Variants in KCNMB2 observed in about 807,000 individuals in gnomAD.
KCNMB2 encodes calcium-activated potassium channel subunit beta-2.
A neutral mutation model predicts 24.5 loss-of-function variants in KCNMB2; 9 were observed. The observed-to-expected ratio is 0.37, with a 90% confidence interval of 0.22 to 0.64. The LOEUF (loss-of-function observed/expected upper bound fraction) is 0.64. Ranked by LOEUF, KCNMB2 falls within the 30% of genes least tolerant of loss-of-function variation. The probability of loss-of-function intolerance (pLI) is 0.63; values close to 1 mark genes in which losing one functional copy is unlikely to be tolerated. For missense variants in KCNMB2, 226 were observed against 284.3 expected, an observed-to-expected ratio of 0.79 and a Z score of 1.47; for synonymous variants, 109 against 104.4, an observed-to-expected ratio of 1.04 and a Z score of -0.27.
chr3:178,638,766 A>G (rs7647759), intron 1 of KCNMB2, among the ~76,000 whole-genome samples: 3,720 of 152,288 alleles, frequency 0.024, 157 homozygotes, highest in African/African-American at 0.084. Context: ...TAGAAAGAAC[A>G]TATCAATTAG....
intron 2 of KCNMB2, among the ~76,000 whole-genome samples, chr3:178,812,752 T>A (rs183712067): frequency 3.3e-5 from 5 of 152,282 alleles, no homozygotes; most frequent in Admixed American, 2.0e-4. Context: ...TACATTTCCA[T>A]ATATACATGG....
At chr3:178,545,868 T>G (rs967373292) in intron 1 of KCNMB2, among the ~76,000 whole-genome samples, 2 of 152,156 alleles carry the variant, frequency 1.3e-5, no homozygotes, top group African/African-American at 2.4e-5. Context: ...AGGCCACATT[T>G]TCATCGCATT....
chr3:178,537,049 G>C (rs1240156419), intron 1 of KCNMB2, among the ~76,000 whole-genome samples: 1 of 152,178 alleles, frequency 6.6e-6, no homozygotes, highest in Non-Finnish European at 1.5e-5. Flanking sequence ...GTAGGGTCGA[G>C]TGAAGACTTT....
At chr3:178,732,636 TAA>T (rs1327947184) in intron 1 of KCNMB2, among the ~76,000 whole-genome samples, 1 of 152,216 alleles carries the variant, frequency 6.6e-6, no homozygotes, top group African/African-American at 2.4e-5. Context: ...ATGTGTTAAA[TAA>T]GTTTCATTCA....
At chr3:178,630,793 C>T (rs1292146143) in intron 1 of KCNMB2, among the ~76,000 whole-genome samples, 1 of 152,194 alleles carries the variant, frequency 6.6e-6, no homozygotes, top group Non-Finnish European at 1.5e-5. Flanking sequence ...GAGACCTGAA[C>T]TTCTGTCTTC....
intron 1 of KCNMB2, among the ~76,000 whole-genome samples, chr3:178,602,685 G>T (rs1388905970): frequency 6.6e-6 from 1 of 152,084 alleles, no homozygotes; most frequent in Non-Finnish European, 1.5e-5. Flanking sequence ...CTGGAGAGAG[G>T]AGGCAGGGTG....
chr3:178,766,662 GATA>G (rs1379442154), intron 1 of KCNMB2, among the ~76,000 whole-genome samples: 1 of 152,176 alleles, frequency 6.6e-6, no homozygotes, highest in African/African-American at 2.4e-5. Context: ...AGGAAGACAT[GATA>G]ACAAACATCT....
chr3:178,793,266 T>C (rs3924404), intron 1 of KCNMB2, among the ~76,000 whole-genome samples: 16,732 of 152,170 alleles, frequency 0.11, 1,019 homozygotes, highest in Non-Finnish European at 0.13. Context: ...AGCTATGGAA[T>C]TGCAGACAGT....
At chr3:178,571,784 T>C (rs1437897792) in intron 1 of KCNMB2, among the ~76,000 whole-genome samples, 2 of 152,060 alleles carry the variant, frequency 1.3e-5, no homozygotes, top group African/African-American at 4.8e-5. Flanking sequence ...ACATGCGGTG[T>C]TTGGCTTTCT....
intron 1 of KCNMB2, among the ~76,000 whole-genome samples, chr3:178,679,868 A>AT (rs1037018346): frequency 2.0e-5 from 3 of 151,932 alleles, no homozygotes; most frequent in Non-Finnish European, 2.9e-5. Context: ...TATTTCCCTT[A>AT]TTTTTTCCAA....
intron 1 of KCNMB2, among the ~76,000 whole-genome samples, chr3:178,586,538 CTTTTTTTTTTTT>C (rs10677144): frequency 1.2e-4 from 8 of 68,496 alleles, no homozygotes; most frequent in Non-Finnish European, 7.6e-5. Context: ...TTTTTTCTTT[CTTTTTTTTTTTT>C]TTTTTTTTTT....
Position 178,842,676 on chromosome 3 carries a change from A to G in KCNMB2, c.447A>G (p.Gly149=). The change falls in exon 5 of 5, where the codon GGA becomes GGG. Residue 149 remains glycine (G), a synonymous_variant. Coordinates refer to ENST00000452583, the MANE Select transcript of KCNMB2 (RefSeq NM_181361.3). The part of the protein sequence containing the change: ...NQKCSYIPKC[G]KNFEESMSLV... ...AGTGCTCCTATATACCTAAATGTGGAAAAAATTTTGAAGAATCCATGTCCC... is the reference window on the plus strand; with the variant it reads ...AGTGCTCCTATATACCTAAATGTGGGAAAAATTTTGAAGAATCCATGTCCC... The G allele has an allele frequency of 6.2e-7, 1 of 1,612,050 alleles. No homozygotes were observed. Among genetic ancestry groups the G allele is most frequent in the Non-Finnish European group, 8.5e-7 (1 of 1,178,282 alleles).
chr3:178,619,407 C>T (rs1045387621), intron 1 of KCNMB2, among the ~76,000 whole-genome samples: 8 of 152,046 alleles, frequency 5.3e-5, no homozygotes, highest in African/African-American at 1.4e-4. Context: ...TTACTAAACA[C>T]GTAACTTTGA....
Position 178,621,447 on chromosome 3 carries a change from C to A in KCNMB2, c.-68+84736C>A, listed in dbSNP as rs114098388. Among the ~76,000 whole-genome samples, 1,217 of 152,028 alleles carry A rather than the reference C, an allele frequency of 8.0e-3. 13 individuals are homozygous for A. The highest frequency in any genetic ancestry group is 0.028 in the African/African-American group (1,152 of 41,454). ...TCTCTGACATCTTTGTTCATTATTTCTTTGGGTTTCTGCTTAAATATCTGC... is the reference window on the plus strand; with the variant it reads ...TCTCTGACATCTTTGTTCATTATTTATTTGGGTTTCTGCTTAAATATCTGC... On this transcript the variant is annotated intron_variant, in intron 1 of 4. Coordinates refer to ENST00000452583, the MANE Select transcript of KCNMB2 (RefSeq NM_181361.3).
At chr3:178,707,958 C>T (rs1002978814) in intron 1 of KCNMB2, among the ~76,000 whole-genome samples, 4 of 152,142 alleles carry the variant, frequency 2.6e-5, no homozygotes. Context: ...GCTCTACTTC[C>T]ACATTCAACC....
At chr3:178,585,474 CCACT>C (rs1265686031) in intron 1 of KCNMB2, among the ~76,000 whole-genome samples, 2 of 152,112 alleles carry the variant, frequency 1.3e-5, no homozygotes, top group East Asian at 3.9e-4. Flanking sequence ...TCATTGTTTT[CCACT>C]TACTTTTGCT....
intron 1 of KCNMB2, among the ~76,000 whole-genome samples, chr3:178,806,282 TACCC>T (rs1713963514): frequency 2.0e-5 from 3 of 152,208 alleles, no homozygotes; most frequent in Non-Finnish European, 4.4e-5. Flanking sequence ...ATAATATCAC[TACCC>T]ACCTTGCAGA....
chr3:178,538,642 C>A (rs1715486993), intron 1 of KCNMB2, among the ~76,000 whole-genome samples: 1 of 152,136 alleles, frequency 6.6e-6, no homozygotes, highest in South Asian at 2.1e-4. Flanking sequence ...ATGCTCATAA[C>A]ACTTTACTGA....
chr3:178,782,559 T>C (rs1487160271), intron 1 of KCNMB2, among the ~76,000 whole-genome samples: 5 of 147,716 alleles, frequency 3.4e-5, no homozygotes, highest in African/African-American at 9.8e-5. Flanking sequence ...GAGCATTTTT[T>C]CATGTGTTTT....
Sources: allele counts gnomAD v4.1 joint callset (sites outside exome capture counted in the v4.1 genomes callset), GRCh38; gene constraint gnomAD v4.1.1; transcripts MANE v1.5; gene names NCBI Gene and HGNC (gene_info 2026-07-23, HGNC 2026-07-21).